KCNIP1: variants seen among roughly 807,000 people sequenced by gnomAD.
KCNIP1 encodes the protein A-type potassium channel modulatory protein KCNIP1.
A neutral mutation model predicts 33.0 loss-of-function variants in KCNIP1; 18 were observed. The ratio of observed to expected loss-of-function variants is 0.55; its 90% CI spans 0.38 to 0.81. The LOEUF (loss-of-function observed/expected upper bound fraction) is 0.81. KCNIP1 is among the 30% of genes least tolerant of loss of function. KCNIP1 has a pLI of 0.00. For missense variants in KCNIP1, 238 were observed against 271.6 expected (o/e 0.88, Z 0.87); for synonymous variants, 93 against 98.3 (o/e 0.95, Z 0.32).
At chr5:170,449,115 T>C (rs1266234484) in intron 1 of KCNIP1, among the ~76,000 whole-genome samples, 1 of 152,182 alleles carries the variant, frequency 6.6e-6, no homozygotes, top group Admixed American at 6.5e-5. Context: ...CTGCACAATA[T>C]CCTATTGCCA....
intron 1 of KCNIP1, among the ~76,000 whole-genome samples, chr5:170,621,908 C>G (rs1759618064): frequency 6.6e-6 from 1 of 152,210 alleles, no homozygotes; most frequent in African/African-American, 2.4e-5. Flanking sequence ...AGACCAAAAC[C>G]TCTGTCCTCA....
At chr5:170,360,658 G>A (rs1484416205) in intron 1 of KCNIP1, among the ~76,000 whole-genome samples, 1 of 152,180 alleles carries the variant, frequency 6.6e-6, no homozygotes, top group Admixed American at 6.5e-5. Context: ...CACTCTTGAT[G>A]ACAAGTTCTA....
At chr5:170,606,470 A>G (rs577361338) in intron 1 of KCNIP1, among the ~76,000 whole-genome samples, 1 of 152,210 alleles carries the variant, frequency 6.6e-6, no homozygotes, top group Admixed American at 6.5e-5. Flanking sequence ...CCAGGCAGAG[A>G]TCTCTCAACC....
intron 1 of KCNIP1, among the ~76,000 whole-genome samples, chr5:170,567,917 T>A (rs1012138343): frequency 2.0e-5 from 3 of 152,140 alleles, no homozygotes; most frequent in Admixed American, 2.0e-4. Flanking sequence ...CCAGGCTACA[T>A]CCTTGGCAAA....
intron 1 of KCNIP1, among the ~76,000 whole-genome samples, chr5:170,553,844 G>A (rs939783776): frequency 1.3e-5 from 2 of 152,234 alleles, no homozygotes; most frequent in African/African-American, 4.8e-5. Flanking sequence ...ATTGTTGAGT[G>A]AACGGATGGA....
intron 1 of KCNIP1, among the ~76,000 whole-genome samples, chr5:170,407,492 A>C (rs531572051): frequency 3.0e-4 from 45 of 152,372 alleles, no homozygotes; most frequent in African/African-American, 1.0e-3. Flanking sequence ...AATTTTTACC[A>C]ACAATCCCAA....
chr5:170,669,251 T>C (rs1419866922), intron 1 of KCNIP1, among the ~76,000 whole-genome samples: 5 of 152,216 alleles, frequency 3.3e-5, no homozygotes, highest in Non-Finnish European at 5.9e-5. Flanking sequence ...CAGGAAGACA[T>C]GCTGTCAATA....
rs184188571 is a variant in KCNIP1 at position 170,534,213 on chromosome 5, T to C, written c.61+29580T>C. On this transcript the variant is annotated intron_variant, in intron 1 of 7. Transcript: ENST00000328939. The stretch of plus-strand genomic sequence containing the variant: ...AGAAAACCATTTTAATGGGTTGGAA[T>C]GGAAAGTTCCTAATTAGAGGTTCAT... Among the ~76,000 whole-genome samples the C allele has an allele frequency of 1.6e-3, 245 of 152,340 alleles. 2 individuals carry two copies. The highest frequency in any genetic ancestry group is 5.5e-3 in the African/African-American group (229 of 41,578).
At chr5:170,487,733 G>T (rs888298287) in intron 1 of KCNIP1, among the ~76,000 whole-genome samples, 1 of 151,988 alleles carries the variant, frequency 6.6e-6, no homozygotes, top group African/African-American at 2.4e-5. Context: ...ACCCAGGCTG[G>T]TCTCGAACTC....
chr5:170,439,648 C>T (rs116321064), intron 1 of KCNIP1, among the ~76,000 whole-genome samples: 5,068 of 152,294 alleles, frequency 0.033, 102 homozygotes, highest in South Asian at 0.085. Flanking sequence ...CTGTGAGGGG[C>T]GCGCTAGCCT....
upstream of KCNIP1, among the ~76,000 whole-genome samples, chr5:170,500,832 T>A (rs1490676382): frequency 6.6e-6 from 1 of 152,230 alleles, no homozygotes; most frequent in African/African-American, 2.4e-5. Flanking sequence ...TGGTACATGG[T>A]AGATACATGA....
chr5:170,620,836 C>T (rs899319389), intron 1 of KCNIP1, among the ~76,000 whole-genome samples: 8 of 152,124 alleles, frequency 5.3e-5, no homozygotes, highest in African/African-American at 1.7e-4. Flanking sequence ...ATGACTTCTG[C>T]CCCCTCTTAA....
intron 1 of KCNIP1, among the ~76,000 whole-genome samples, chr5:170,548,372 T>C (rs558358233): frequency 6.6e-6 from 1 of 152,376 alleles, no homozygotes; most frequent in Admixed American, 6.5e-5. Flanking sequence ...TTGTGTGTTT[T>C]ACAATTGTTG....
At chr5:170,475,679 T>TG (rs917930257) in intron 1 of KCNIP1, among the ~76,000 whole-genome samples, 2 of 152,166 alleles carry the variant, frequency 1.3e-5, no homozygotes, top group Non-Finnish European at 2.9e-5. Flanking sequence ...GGCCTCTTTG[T>TG]GGGGGGTTCT....
chr5:170,669,242 A>C (rs1474657449), intron 1 of KCNIP1, among the ~76,000 whole-genome samples: 1 of 152,268 alleles, frequency 6.6e-6, no homozygotes, highest in African/African-American at 2.4e-5. Context: ...AGTGTAAAGC[A>C]GGAAGACATG....
chr5:170,717,820 C>T (rs541810444), intron 1 of KCNIP1, among the ~76,000 whole-genome samples: 1 of 152,304 alleles, frequency 6.6e-6, no homozygotes, highest in Admixed American at 6.5e-5. Flanking sequence ...CCCAGATTTA[C>T]AGTTGTTCAA....
At chr5:170,391,050 T>C (rs1196829169) in intron 1 of KCNIP1, among the ~76,000 whole-genome samples, 1 of 152,156 alleles carries the variant, frequency 6.6e-6, no homozygotes, top group Admixed American at 6.5e-5. Flanking sequence ...ATGGGCACCA[T>C]AGCACCAGAG....
At chr5:170,726,745 CAAAA>C (rs57173351) in intron 5 of KCNIP1, among the ~76,000 whole-genome samples, 1 of 56,686 alleles carries the variant, frequency 1.8e-5, no homozygotes, top group South Asian at 6.5e-4. Context: ...ACTAAAAATA[CAAAA>C]AAAAAAAAAA....
chr5:170,464,393 G>A (rs1022156619), intron 1 of KCNIP1, among the ~76,000 whole-genome samples: 16 of 152,180 alleles, frequency 1.1e-4, no homozygotes, highest in African/African-American at 3.6e-4. Context: ...GCTATTGCTG[G>A]AATTCATATG....
Sources: gnomAD v4.1 joint callset for allele counts (sites outside exome capture counted in the v4.1 genomes callset) on GRCh38, gnomAD v4.1.1 for gene constraint, MANE v1.5 for transcripts, NCBI Gene and HGNC (gene_info 2026-07-23, HGNC 2026-07-21) for gene names.